SNX29: variants seen among roughly 807,000 people sequenced by gnomAD.
The protein encoded by SNX29 is sorting nexin-29.
SNX29 carries 78 observed loss-of-function variants against 102.1 expected under a neutral mutation model. The observed-to-expected ratio is 0.76, with a 90% CI of 0.64 to 0.92. The LOEUF (loss-of-function observed/expected upper bound fraction) is 0.92, where lower values mean the gene tolerates loss of function less well. SNX29 is among the 40% of genes least tolerant of loss of function. The pLI is 0.00. For missense variants in SNX29, 1,280 were observed against 1,061.7 expected (o/e 1.21, Z -2.86); for synonymous variants, 580 against 414.5 (o/e 1.40, Z -4.85).
intron 1 of SNX29, among the ~76,000 whole-genome samples, chr16:11,984,992 T>A (rs920782595): frequency 6.6e-5 from 10 of 151,476 alleles, no homozygotes; most frequent in Non-Finnish European, 1.3e-4. Flanking sequence ...TAAGTAATGA[T>A]GCAGTGAACA....
intron 11 of SNX29, among the ~76,000 whole-genome samples, chr16:12,080,566 G>T (rs1290745628): frequency 6.6e-6 from 1 of 152,078 alleles, no homozygotes; most frequent in Non-Finnish European, 1.5e-5. Context: ...TTTTTGTAGA[G>T]TTGAGGTCTC....
chr16:12,258,906 C>T (rs187156084), intron 14 of SNX29, among the ~76,000 whole-genome samples: 7 of 152,248 alleles, frequency 4.6e-5, no homozygotes, highest in East Asian at 1.9e-4. Context: ...GAGTCTCTGT[C>T]GGAGGAGGAC....
At chr16:12,200,646 C>T (rs2076891131) in intron 14 of SNX29, among the ~76,000 whole-genome samples, 2 of 152,150 alleles carry the variant, frequency 1.3e-5, no homozygotes, top group South Asian at 2.1e-4. Flanking sequence ...CCATGCCCAG[C>T]TAATTTTTGT....
intron 18 of SNX29, among the ~76,000 whole-genome samples, chr16:12,466,710 C>T (rs2087069049): frequency 6.6e-6 from 1 of 152,168 alleles, no homozygotes; most frequent in African/African-American, 2.4e-5. Flanking sequence ...AAGTTGTGTC[C>T]TCCTTAGTTT....
At chr16:12,080,695 T>G (rs78737471) in intron 11 of SNX29, among the ~76,000 whole-genome samples, 2 of 144,896 alleles carry the variant, frequency 1.4e-5, no homozygotes, top group Non-Finnish European at 3.0e-5. Context: ...CAGTTTACTT[T>G]TTTTTTTTTT....
intron 8 of SNX29, 182 bp downstream of exon 8, chr16:12,052,404 A>T (rs1309834690): frequency 3.5e-6 from 2 of 571,638 alleles, no homozygotes; most frequent in Non-Finnish European, 5.9e-6. Context: ...TTTAGTAGAG[A>T]TGGGGTTTCA....
intron 19 of SNX29, among the ~76,000 whole-genome samples, chr16:12,494,549 A>G (rs79188650): frequency 6.6e-6 from 1 of 152,282 alleles, no homozygotes; most frequent in Middle Eastern, 3.4e-3. Flanking sequence ...GGGGTCCAGC[A>G]AGCTTTAAGT....
Position 12,572,722 on chromosome 16 carries a change from A to C in SNX29, c.*4093A>C. The C allele has an allele frequency of 1.9e-6, 2 of 1,063,804 alleles. No individual in the cohort carries two copies. The highest frequency in any genetic ancestry group is 2.3e-6 in the Non-Finnish European group (2 of 878,384). 65.9% of individuals were successfully genotyped at this position (1,063,804 alleles called of 1,614,324 possible). On this transcript the variant is annotated 3_prime_UTR_variant, in exon 21 of 21. Transcript: ENST00000566228. ...CAGCATCTTCCAGCCTTGGCACAGA[A>C]CTGATGGCAAAGGAAGGGCTGGGTT... is the stretch of plus-strand genomic sequence containing the variant.
At chr16:12,258,476 G>A (rs2078639370) in intron 14 of SNX29, among the ~76,000 whole-genome samples, 1 of 152,134 alleles carries the variant, frequency 6.6e-6, no homozygotes, top group Admixed American at 6.5e-5. Flanking sequence ...GCTCTCCTGA[G>A]GCACCCTCTC....
chr16:12,451,947 T>C (rs1052247830), intron 18 of SNX29, among the ~76,000 whole-genome samples: 2 of 152,018 alleles, frequency 1.3e-5, no homozygotes, highest in Non-Finnish European at 2.9e-5. Flanking sequence ...AATAAGGGAG[T>C]GATGTCTTTG....
intron 4 of SNX29, among the ~76,000 whole-genome samples, chr16:12,031,856 A>G (rs1406092836): frequency 2.0e-5 from 3 of 152,180 alleles, no homozygotes; most frequent in Non-Finnish European, 4.4e-5. Flanking sequence ...AATATACATA[A>G]TGAAATTTAC....
chr16:12,513,599 G>T (rs748745577), intron 19 of SNX29, among the ~76,000 whole-genome samples: 1 of 152,166 alleles, frequency 6.6e-6, no homozygotes, highest in East Asian at 1.9e-4. Context: ...ACCTGTTCCA[G>T]CCTCTCAGCC....
intron 18 of SNX29, among the ~76,000 whole-genome samples, chr16:12,447,855 C>A (rs142927971): frequency 3.3e-5 from 5 of 152,310 alleles, no homozygotes; most frequent in African/African-American, 1.2e-4. Context: ...CCCCTCTCAA[C>A]ACACATCTGA....
At chr16:12,565,790 C>A (rs1598104900) in intron 20 of SNX29, among the ~76,000 whole-genome samples, 1 of 152,194 alleles carries the variant, frequency 6.6e-6, no homozygotes, top group Non-Finnish European at 1.5e-5. Flanking sequence ...ATCTAGAGGG[C>A]CCTTTACACA....
intron 16 of SNX29, among the ~76,000 whole-genome samples, chr16:12,392,910 G>T: frequency 6.6e-6 from 1 of 152,356 alleles, no homozygotes; most frequent in Admixed American, 6.5e-5. Context: ...TTTATGATCA[G>T]ATCATCAGGC....
At chr16:12,537,255 C>G (rs905517581) in intron 20 of SNX29, among the ~76,000 whole-genome samples, 1 of 152,158 alleles carries the variant, frequency 6.6e-6, no homozygotes, top group Non-Finnish European at 1.5e-5. Flanking sequence ...AATAATGTAC[C>G]TTCTTTTCAC....
chr16:12,245,783 C>T (rs1214981474), intron 14 of SNX29, among the ~76,000 whole-genome samples: 1 of 151,572 alleles, frequency 6.6e-6, no homozygotes, highest in Non-Finnish European at 1.5e-5. Flanking sequence ...GGGCAGGCAG[C>T]TTTGTGGTTG....
chr16:12,357,604 G>A (rs1274449791), intron 16 of SNX29, among the ~76,000 whole-genome samples: 2 of 152,088 alleles, frequency 1.3e-5, no homozygotes, highest in Non-Finnish European at 1.5e-5. Flanking sequence ...CATTAAGTAC[G>A]TTCACACATT....
intron 13 of SNX29, among the ~76,000 whole-genome samples, chr16:12,183,446 T>A (rs183090936): frequency 6.6e-6 from 1 of 152,064 alleles, no homozygotes; most frequent in Admixed American, 6.5e-5. Flanking sequence ...AGTGTTTTTC[T>A]AAATAAATGA....
Sources: gnomAD v4.1 joint callset for allele counts (sites outside exome capture counted in the v4.1 genomes callset) on GRCh38, gnomAD v4.1.1 for gene constraint, MANE v1.5 for transcripts, NCBI Gene and HGNC (gene_info 2026-07-23, HGNC 2026-07-21) for gene names.